MRPS31: variants seen among roughly 807,000 people sequenced by gnomAD.
The protein encoded by MRPS31 is mitochondrial ribosomal protein S31, also known as small ribosomal subunit protein mS31.
Under a neutral mutation model 43.1 loss-of-function variants are expected in MRPS31, and 32 were observed. The ratio of observed to expected loss-of-function variants is 0.74; its 90% confidence interval spans 0.56 to 1.00. The LOEUF (loss-of-function observed/expected upper bound fraction) is 1.00, where lower values mean the gene tolerates loss of function less well. Among genes scored for constraint, MRPS31 ranks in the 50% least tolerant of loss-of-function variants. The pLI is 0.00. For synonymous variants in MRPS31, 165 were observed against 161.6 expected (o/e 1.02, Z -0.16); for missense variants, 437 against 466.7 (o/e 0.94, Z 0.59).
At chr13:40,757,514 G>A (rs1477996770) in intron 3 of MRPS31, among the ~76,000 whole-genome samples, 2 of 142,650 alleles carry the variant, frequency 1.4e-5, no homozygotes, top group Admixed American at 7.5e-5. Flanking sequence ...GCGCAATCTC[G>A]GCTCACTGCA....
At chr13:40,730,605 G>C (rs1485581386) in intron 6 of MRPS31, among the ~76,000 whole-genome samples, 1 of 152,098 alleles carries the variant, frequency 6.6e-6, no homozygotes, top group African/African-American at 2.4e-5. Context: ...TTGTCGCCCA[G>C]GCTGGAGTGC....
At chr13:40,755,417 T>G (rs766766227) in intron 4 of MRPS31, among the ~76,000 whole-genome samples, 5 of 152,260 alleles carry the variant, frequency 3.3e-5, no homozygotes, top group Non-Finnish European at 7.3e-5. Flanking sequence ...GCACCTACTA[T>G]GTACCAGATA....
chr13:40,751,608 G>A (rs1880392417), intron 5 of MRPS31, among the ~76,000 whole-genome samples: 1 of 152,174 alleles, frequency 6.6e-6, no homozygotes, highest in Non-Finnish European at 1.5e-5. Context: ...TCATGGAACA[G>A]AATAACTCAT....
At chr13:40,735,238 C>A (rs536995884) in intron 6 of MRPS31, among the ~76,000 whole-genome samples, 3 of 152,240 alleles carry the variant, frequency 2.0e-5, no homozygotes, top group Non-Finnish European at 2.9e-5. Context: ...GCTTAAAAAA[C>A]GGCGCACCAG....
At chr13:40,735,670 G>C (rs1330819485) in intron 6 of MRPS31, among the ~76,000 whole-genome samples, 8 of 152,146 alleles carry the variant, frequency 5.3e-5, no homozygotes, top group South Asian at 4.2e-4. Flanking sequence ...AGCAGGGGCA[G>C]ACTGACACCT....
chr13:40,759,177 C>A, intron 2 of MRPS31, 71 bp from the exon 3 acceptor site: 1 of 1,242,938 alleles, frequency 8.0e-7, no homozygotes, highest in Non-Finnish European at 1.1e-6. Flanking sequence ...GTGGCTCATG[C>A]CTGTAATTCC....
intron 3 of MRPS31, among the ~76,000 whole-genome samples, chr13:40,757,514 G>C (rs1477996770): frequency 7.0e-6 from 1 of 142,650 alleles, no homozygotes; most frequent in Non-Finnish European, 1.5e-5. Context: ...GCGCAATCTC[G>C]GCTCACTGCA....
intron 2 of MRPS31, among the ~76,000 whole-genome samples, chr13:40,762,939 G>C (rs924328626): frequency 1.3e-5 from 2 of 152,054 alleles, no homozygotes; most frequent in Non-Finnish European, 2.9e-5. Flanking sequence ...ACTTTGGATG[G>C]TGTGTGAAAT....
intron 6 of MRPS31, among the ~76,000 whole-genome samples, chr13:40,743,288 C>G (rs2138000847): frequency 6.6e-6 from 1 of 150,910 alleles, no homozygotes; most frequent in East Asian, 2.0e-4. Flanking sequence ...GCACTCCAGC[C>G]TGGGCAACAA....
chr13:40,763,926 C>T (rs537247741), intron 2 of MRPS31, among the ~76,000 whole-genome samples: 52 of 152,296 alleles, frequency 3.4e-4, no homozygotes, highest in African/African-American at 1.1e-3. Flanking sequence ...CTAGCTAAAG[C>T]CTCAGCCAAC....
chr13:40,764,945 A>G lies in MRPS31; in HGVS notation c.440+1801T>C, dbSNP rs190088146. ...TAGTGTAGCCATGGTAACCATATCA[A>G]TGAAGGTTCAATATTTAATACAAAC... On this transcript the variant is annotated intron_variant, in intron 2 of 6. Coordinates refer to ENST00000323563, the MANE Select transcript of MRPS31 (RefSeq NM_005830.4). 1.1e-4 allele frequency among the ~76,000 whole-genome samples: 17 copies of G among 152,326 alleles called. 1 individual carries two copies. The highest frequency in any genetic ancestry group is 9.8e-4 in the Admixed American group (15 of 15,292).
chr13:40,747,057 T>C (rs952677821), intron 6 of MRPS31, among the ~76,000 whole-genome samples: 2 of 152,080 alleles, frequency 1.3e-5, no homozygotes, highest in Non-Finnish European at 2.9e-5. Context: ...TTATTATACC[T>C]CAATACTGTT....
chr13:40,749,033 CA>C, intron 6 of MRPS31, 104 bp downstream of exon 6: 2 of 1,164,576 alleles, frequency 1.7e-6, no homozygotes, highest in South Asian at 1.7e-5. Flanking sequence ...AAGATATCCA[CA>C]AAAGGTTTTG....
At chr13:40,764,232 G>C (rs1418600241) in intron 2 of MRPS31, among the ~76,000 whole-genome samples, 1 of 152,222 alleles carries the variant, frequency 6.6e-6, no homozygotes, top group Non-Finnish European at 1.5e-5. Context: ...GCCCCCACCA[G>C]GATGGATGCA....
At chr13:40,734,639 A>G (rs1180273430) in intron 6 of MRPS31, among the ~76,000 whole-genome samples, 1 of 152,116 alleles carries the variant, frequency 6.6e-6, no homozygotes, top group Non-Finnish European at 1.5e-5. Context: ...AGTGGCTTAC[A>G]CCTGTAATCC....
At chr13:40,761,239 C>G (rs926916195) in intron 2 of MRPS31, among the ~76,000 whole-genome samples, 2 of 151,122 alleles carry the variant, frequency 1.3e-5, no homozygotes, top group African/African-American at 2.4e-5. Flanking sequence ...TGCACTACAG[C>G]CTGAGGCACA....
intron 6 of MRPS31, 129 bp from the exon 7 acceptor site, chr13:40,729,730 A>AC (rs1879617557): frequency 2.1e-6 from 1 of 471,010 alleles, no homozygotes; most frequent in African/African-American, 2.1e-5. Flanking sequence ...CCTAGGTTGC[A>AC]TTTTTTTTTT....
At chr13:40,743,159 A>G (rs1481437812) in intron 6 of MRPS31, among the ~76,000 whole-genome samples, 1 of 152,098 alleles carries the variant, frequency 6.6e-6, no homozygotes, top group East Asian at 1.9e-4. Flanking sequence ...TAAAAATACA[A>G]AAAGAATTAG....
At chr13:40,757,614 T>A (rs1311110012) in intron 3 of MRPS31, among the ~76,000 whole-genome samples, 1 of 151,630 alleles carries the variant, frequency 6.6e-6, no homozygotes, top group Non-Finnish European at 1.5e-5. Flanking sequence ...CAGGCTAATT[T>A]TTTGTGTTTT....
Sources: allele counts gnomAD v4.1 joint callset (sites outside exome capture counted in the v4.1 genomes callset), GRCh38; gene constraint gnomAD v4.1.1; transcripts MANE v1.5; gene names NCBI Gene and HGNC (gene_info 2026-07-23, HGNC 2026-07-21).